Variants in PLPPR1 observed in about 807,000 individuals in gnomAD.
PLPPR1 encodes the protein phospholipid phosphatase related 1, also known as phospholipid phosphatase-related protein type 1.
Under a neutral mutation model 33.1 loss-of-function variants are expected in PLPPR1, and 10 were observed. The ratio of observed to expected loss-of-function variants is 0.30; its 90% CI spans 0.19 to 0.51. PLPPR1 has a LOEUF of 0.51. Among genes scored for constraint, PLPPR1 ranks in the 20% least tolerant of loss-of-function variants. The pLI is 0.97. For synonymous variants in PLPPR1, 151 were observed against 151.0 expected (o/e 1.00, Z 0.00); for missense variants, 304 against 408.1 (o/e 0.74, Z 2.20).
chr9:101,169,686 CAT>C (rs33973328), intron 1 of PLPPR1, among the ~76,000 whole-genome samples: 25,862 of 151,900 alleles, frequency 0.17, 2,387 homozygotes, highest in Non-Finnish European at 0.22. Context: ...CTTTTTGTTA[CAT>C]GTTATCAAAT....
chr9:101,049,380 G>T (rs73656429), intron 1 of PLPPR1, among the ~76,000 whole-genome samples: 19 of 152,266 alleles, frequency 1.2e-4, no homozygotes, highest in African/African-American at 4.6e-4. Context: ...TAAATAAATT[G>T]AAACATTATG....
chr9:101,265,906 G>A (rs552595011), intron 2 of PLPPR1, among the ~76,000 whole-genome samples: 109 of 152,144 alleles, frequency 7.2e-4, no homozygotes, highest in Non-Finnish European at 1.3e-3. Context: ...TGAGGCAGGA[G>A]AATTGTGTGA....
chr9:101,211,517 G>T (rs1021581242), intron 2 of PLPPR1, among the ~76,000 whole-genome samples: 4 of 152,122 alleles, frequency 2.6e-5, no homozygotes, highest in Non-Finnish European at 5.9e-5. Flanking sequence ...CAACTCTAGG[G>T]GTTTCCTGGT....
chr9:101,286,402 A>T (rs1033212921), intron 4 of PLPPR1, among the ~76,000 whole-genome samples, 166 bp downstream of exon 4: 3 of 152,166 alleles, frequency 2.0e-5, no homozygotes. Context: ...TCGAAATGGT[A>T]CTTCTTAAAT....
intron 1 of PLPPR1, among the ~76,000 whole-genome samples, chr9:101,077,942 G>T (rs916131168): frequency 6.6e-6 from 1 of 151,080 alleles, no homozygotes; most frequent in Non-Finnish European, 1.5e-5. Flanking sequence ...TATGTGAGGG[G>T]GAAACAGAAT....
intron 1 of PLPPR1, among the ~76,000 whole-genome samples, chr9:101,044,751 T>C (rs1230272004): frequency 6.6e-6 from 1 of 152,176 alleles, no homozygotes; most frequent in African/African-American, 2.4e-5. Context: ...ATGTGCTGGC[T>C]GAGGATATAA....
At chr9:101,227,872 G>A (rs1160514525) in intron 2 of PLPPR1, among the ~76,000 whole-genome samples, 1 of 152,158 alleles carries the variant, frequency 6.6e-6, no homozygotes, top group Non-Finnish European at 1.5e-5. Context: ...CACCTCCTGG[G>A]TTCAAGCGAT....
intron 1 of PLPPR1, among the ~76,000 whole-genome samples, chr9:101,033,026 A>G (rs888859023): frequency 2.6e-5 from 4 of 152,218 alleles, no homozygotes; most frequent in African/African-American, 9.6e-5. Flanking sequence ...AATCTGCACC[A>G]GAGAGTTCAT....
intron 4 of PLPPR1, among the ~76,000 whole-genome samples, chr9:101,297,387 C>T (rs1372569702): frequency 6.6e-6 from 1 of 152,104 alleles, no homozygotes; most frequent in Admixed American, 6.6e-5. Flanking sequence ...TCTGCTTCAC[C>T]CCACAGATCC....
chr9:101,128,600 TG>T (rs1831276127), intron 1 of PLPPR1, among the ~76,000 whole-genome samples: 2 of 152,190 alleles, frequency 1.3e-5, no homozygotes, highest in African/African-American at 2.4e-5. Flanking sequence ...AGGAGGGTGA[TG>T]TTTTTTCTGT....
At chr9:101,181,271 A>G (rs1034967468) in intron 1 of PLPPR1, among the ~76,000 whole-genome samples, 3 of 150,210 alleles carry the variant, frequency 2.0e-5, no homozygotes, top group African/African-American at 7.3e-5. Context: ...GTATTACTTC[A>G]TACCTGTTAG....
At chr9:101,260,067 T>C (rs1002318493) in intron 2 of PLPPR1, among the ~76,000 whole-genome samples, 2 of 152,112 alleles carry the variant, frequency 1.3e-5, no homozygotes, top group Non-Finnish European at 2.9e-5. Context: ...AAGATTCATT[T>C]TAGTTTCATA....
intron 2 of PLPPR1, among the ~76,000 whole-genome samples, chr9:101,228,308 G>C (rs1827113024): frequency 6.6e-6 from 1 of 152,132 alleles, no homozygotes; most frequent in Non-Finnish European, 1.5e-5. Flanking sequence ...CAAAGCTGTG[G>C]TTCAAATGCT....
In PLPPR1 at chr9:101,064,347, AGAAT is replaced by A. The variant is rs34535403; in HGVS notation, c.-46+35270_-46+35273del. ...AGTTTCTCATGGGATTAATATTTAT[AGAAT>A]GAATGAATGAATGAATGAATGAATA... is the stretch of plus-strand genomic sequence containing the variant. On this transcript the variant is annotated intron_variant, in intron 1 of 7. Coordinates refer to ENST00000374874, the MANE Select transcript of PLPPR1 (RefSeq NM_207299.2). Among the ~76,000 whole-genome samples, 1,235 of 150,408 alleles carry A rather than the reference AGAAT, an allele frequency of 8.2e-3. 7 individuals are homozygous for A. The highest frequency in any genetic ancestry group is 0.025 in the South Asian group (119 of 4,756).
At chr9:101,113,646 CA>C (rs1399898952) in intron 1 of PLPPR1, among the ~76,000 whole-genome samples, 1 of 151,666 alleles carries the variant, frequency 6.6e-6, no homozygotes, top group African/African-American at 2.4e-5. Context: ...AAACAAAAAA[CA>C]AAAAACAAAA....
chr9:101,287,325 A>C (rs1443324348), intron 4 of PLPPR1, among the ~76,000 whole-genome samples: 1 of 152,174 alleles, frequency 6.6e-6, no homozygotes, highest in Admixed American at 6.5e-5. Context: ...TATCTAGTTC[A>C]CTCATTCCAA....
chr9:101,227,198 G>A (rs1439051849), intron 2 of PLPPR1, among the ~76,000 whole-genome samples: 1 of 152,180 alleles, frequency 6.6e-6, no homozygotes, highest in Admixed American at 6.5e-5. Context: ...AATCACGACT[G>A]GGAATACATT....
chr9:101,311,069 C>T (rs1828945592), intron 5 of PLPPR1, among the ~76,000 whole-genome samples: 1 of 151,772 alleles, frequency 6.6e-6, no homozygotes, highest in Non-Finnish European at 1.5e-5. Context: ...AGAACCTAAA[C>T]AATGTATTCT....
intron 1 of PLPPR1, among the ~76,000 whole-genome samples, chr9:101,109,521 A>G (rs1270531942): frequency 6.6e-6 from 1 of 152,204 alleles, no homozygotes; most frequent in Non-Finnish European, 1.5e-5. Context: ...CTTCTGGCTT[A>G]TAGCACAATC....
Sources: gnomAD v4.1 joint callset for allele counts (sites outside exome capture counted in the v4.1 genomes callset) on GRCh38, gnomAD v4.1.1 for gene constraint, MANE v1.5 for transcripts, NCBI Gene and HGNC (gene_info 2026-07-23, HGNC 2026-07-21) for gene names.